Variants in GALNT18 observed in about 807,000 individuals in gnomAD.
The protein encoded by GALNT18 is polypeptide N-acetylgalactosaminyltransferase 18.
Under a neutral mutation model 69.5 loss-of-function variants are expected in GALNT18, and 44 were observed. That is an observed-to-expected ratio of 0.63 (90% CI 0.50 to 0.81). GALNT18 has a LOEUF of 0.81. Ranked by LOEUF, GALNT18 falls within the 40% of genes least tolerant of loss-of-function variation. The pLI is 0.00. For synonymous variants in GALNT18, 364 were observed against 318.2 expected, an observed-to-expected ratio of 1.14 and a Z score of -1.53; for missense variants, 715 against 810.0, an observed-to-expected ratio of 0.88 and a Z score of 1.42.
chr11:11,577,472 G>T (rs556833058), intron 1 of GALNT18, among the ~76,000 whole-genome samples: 16 of 152,310 alleles, frequency 1.1e-4, no homozygotes, highest in African/African-American at 3.4e-4. Context: ...CAGAAAGGAA[G>T]CCACTCACAC....
intron 6 of GALNT18, among the ~76,000 whole-genome samples, chr11:11,342,673 C>T (rs1222066750): frequency 6.6e-6 from 1 of 152,192 alleles, no homozygotes; most frequent in East Asian, 1.9e-4. Context: ...TTGAGCGTCT[C>T]CTATGTGCCA....
At position 11,500,883 on chromosome 11, in the gene GALNT18, C is replaced by T. The variant is rs189832517; in HGVS notation, c.236-51947G>A. 1.3e-3 allele frequency among the ~76,000 whole-genome samples: 203 copies of T among 152,274 alleles called. No individual in the cohort carries two copies. Among genetic ancestry groups the T allele is most frequent in the Middle Eastern group, 6.8e-3 (2 of 294 alleles). ...TTCCTTCCCTGTCTTTTTGCAGAGC[C>T]GTGCTGAGCGGGCAGCCAGGTGCAC... On this transcript the variant is annotated intron_variant, in intron 1 of 10. Coordinates refer to ENST00000227756, the MANE Select transcript of GALNT18 (RefSeq NM_198516.3). This position sits in a 1 kb window ranked among gnomAD's most constrained non-coding sequence, Gnocchi z 5.0.
In GALNT18 at chr11:11,461,682, T is replaced by C. The variant is rs1006281067; in HGVS notation, c.236-12746A>G. ...GTTTCCACACATCAATCTATTGGAA[T>C]GAACAAGCCGGACCAACCCTGCTAA... On this transcript the variant is annotated intron_variant, in intron 1 of 10. Transcript: ENST00000227756. The surrounding 1 kb of genome is among the most constrained non-coding windows in gnomAD (Gnocchi z 4.1). Among the ~76,000 whole-genome samples, 1 of 152,178 alleles carries C rather than the reference T, an allele frequency of 6.6e-6. No homozygotes were observed. Among genetic ancestry groups the C allele is most frequent in the African/African-American group, 2.4e-5 (1 of 41,440 alleles).
intron 10 of GALNT18, among the ~76,000 whole-genome samples, chr11:11,284,259 T>C (rs1164444877): frequency 3.3e-5 from 5 of 152,222 alleles, no homozygotes; most frequent in Non-Finnish European, 7.3e-5. Context: ...TTCCCAAGTG[T>C]GTCTGTGGTG....
In GALNT18 at chr11:11,325,793, T is replaced by C. The variant is rs1048011702; in HGVS notation, c.1512+1293A>G. The stretch of plus-strand genomic sequence containing the variant: ...ATGAGGAACGTGTTGCCATACTGGG[T>C]TGTGTGAGCACAACCTGATTTGCTG... On this transcript the variant is annotated intron_variant, in intron 9 of 10. Coordinates refer to ENST00000227756, the MANE Select transcript of GALNT18 (RefSeq NM_198516.3). 2.4e-4 allele frequency among the ~76,000 whole-genome samples: 36 copies of C among 152,120 alleles called. 1 individual carries two copies. The highest frequency in any genetic ancestry group is 8.4e-4 in the African/African-American group (35 of 41,492).
Position 11,600,552 on chromosome 11 carries a change from T to C in GALNT18, c.235+20807A>G, listed in dbSNP as rs1859607428. Reference sequence around the variant, plus strand: ...TCTCTTGTAGGTGATAAGTGGTCTTTCTGTTACTGCTTCCAAGATTTTCTC... The same window carrying C: ...TCTCTTGTAGGTGATAAGTGGTCTTCCTGTTACTGCTTCCAAGATTTTCTC... On this transcript the variant is annotated intron_variant, in intron 1 of 10. Transcript: ENST00000227756. The surrounding 1 kb of genome is among the most constrained non-coding windows in gnomAD (Gnocchi z 4.8). Among the ~76,000 whole-genome samples, 1 of 152,116 alleles carries C rather than the reference T, an allele frequency of 6.6e-6. No homozygotes were observed. Among genetic ancestry groups the C allele is most frequent in the Admixed American group, 6.5e-5 (1 of 15,272 alleles).
chr11:11,495,060 A>C (rs1202129261), intron 1 of GALNT18, among the ~76,000 whole-genome samples: 4 of 152,048 alleles, frequency 2.6e-5, no homozygotes, highest in African/African-American at 9.7e-5. Context: ...ATCCGAAATT[A>C]CATCTTAAAT....
intron 9 of GALNT18, among the ~76,000 whole-genome samples, chr11:11,316,527 A>T (rs1410460704): frequency 6.6e-6 from 1 of 152,220 alleles, no homozygotes; most frequent in Non-Finnish European, 1.5e-5. Flanking sequence ...TACTTCTTTC[A>T]TCTCAACTCT....
Position 11,621,302 on chromosome 11 carries a change from G to T in GALNT18, c.235+57C>A. On this transcript the variant is annotated intron_variant, in intron 1 of 10. Coordinates refer to ENST00000227756, the MANE Select transcript of GALNT18 (RefSeq NM_198516.3). The surrounding 1 kb of genome is among the most constrained non-coding windows in gnomAD (Gnocchi z 9.3). ...GCGCACCAGCCCCAGCGCACCCCGC[G>T]CCGCGCGGGGCACTCCCGGGCCTCA... is the stretch of plus-strand genomic sequence containing the variant. 1 of 1,470,100 alleles carries T rather than the reference G, an allele frequency of 6.8e-7. No homozygotes were observed. The highest frequency in any genetic ancestry group is 9.4e-7 in the Non-Finnish European group (1 of 1,063,668). The allele number at this position is 1,470,100 out of a possible 1,614,324, so 91.1% of individuals were successfully genotyped here.
chr11:11,463,122 TC>T lies in GALNT18; in HGVS notation c.236-14187del, dbSNP rs1216509132. On this transcript the variant is annotated intron_variant, in intron 1 of 10. Transcript: ENST00000227756. The surrounding 1 kb of genome is among the most constrained non-coding windows in gnomAD (Gnocchi z 4.2). ...AGACCCTGGAACTATTAGTACAGTC[TC>T]CCACAAGAGAACAGGGTTCCTGCTT... 6.6e-6 allele frequency among the ~76,000 whole-genome samples: 1 copy of T among 152,024 alleles called. No individual in the cohort carries two copies. Among genetic ancestry groups the T allele is most frequent in the Non-Finnish European group, 1.5e-5 (1 of 67,994 alleles).
At chr11:11,535,205 C>G (rs537109050) in intron 1 of GALNT18, among the ~76,000 whole-genome samples, 12 of 152,232 alleles carry the variant, frequency 7.9e-5, no homozygotes, top group Admixed American at 6.5e-4. Flanking sequence ...TGAGGCAGAC[C>G]CTGGCCCCCG....
intron 1 of GALNT18, among the ~76,000 whole-genome samples, chr11:11,529,638 T>TATACAC (rs10624956): frequency 0.39 from 28,201 of 72,660 alleles, 3,072 homozygotes; most frequent in Admixed American, 0.46. Context: ...TATATATATA[T>TATACAC]ACACACACAC....
At chr11:11,533,806 AG>A (rs1257739304) in intron 1 of GALNT18, among the ~76,000 whole-genome samples, 1 of 152,188 alleles carries the variant, frequency 6.6e-6, no homozygotes, top group Non-Finnish European at 1.5e-5. Flanking sequence ...TGCCATTCCG[AG>A]TAGATGCCTC....
At chr11:11,536,011 T>C (rs1857764493) in intron 1 of GALNT18, among the ~76,000 whole-genome samples, 1 of 152,142 alleles carries the variant, frequency 6.6e-6, no homozygotes, top group East Asian at 1.9e-4. Flanking sequence ...CTCCACCCAT[T>C]TCCCATCCAA....
chr11:11,573,930 TA>T lies in GALNT18; in HGVS notation c.235+47428del, dbSNP rs1858858512. ...GTCATTCATTCTATCAACATCTCAT[TA>T]TAGAAGGCAGAGTTCAGAGAAATTA... is the stretch of plus-strand genomic sequence containing the variant. On this transcript the variant is annotated intron_variant, in intron 1 of 10. Coordinates refer to ENST00000227756, the MANE Select transcript of GALNT18 (RefSeq NM_198516.3). The surrounding 1 kb of genome is among the most constrained non-coding windows in gnomAD (Gnocchi z 4.6). 6.6e-6 allele frequency: 1 copy of T among 152,128 alleles called. No homozygotes were observed. Among genetic ancestry groups the T allele is most frequent in the Non-Finnish European group, 1.5e-5 (1 of 68,040 alleles). 9.4% of individuals were successfully genotyped at this position (152,128 alleles called of 1,614,324 possible). A position where few individuals can be genotyped will look rare whatever the true frequency, so the allele number is the denominator to read the frequency against.
intron 1 of GALNT18, among the ~76,000 whole-genome samples, chr11:11,531,327 C>T (rs1254332219): frequency 6.6e-6 from 1 of 152,188 alleles, no homozygotes; most frequent in Non-Finnish European, 1.5e-5. Context: ...GTGGGAGGGG[C>T]TTGGAAGTCT....
At chr11:11,481,044 C>G (rs138243931) in intron 1 of GALNT18, among the ~76,000 whole-genome samples, 10 of 152,258 alleles carry the variant, frequency 6.6e-5, no homozygotes, top group African/African-American at 2.2e-4. Flanking sequence ...CACCGACTTT[C>G]CAATCTAATG....
chr11:11,478,453 C>T (rs1359342932), intron 1 of GALNT18, among the ~76,000 whole-genome samples: 1 of 152,122 alleles, frequency 6.6e-6, no homozygotes, highest in East Asian at 1.9e-4. Context: ...GGGTTCAGCC[C>T]AGGAGCAGGA....
intron 3 of GALNT18, among the ~76,000 whole-genome samples, chr11:11,384,123 G>A (rs527823599): frequency 1.3e-5 from 2 of 152,124 alleles, no homozygotes; most frequent in East Asian, 3.9e-4. Context: ...GATTATAACT[G>A]TAAACAAGAC....
Sources: allele counts gnomAD v4.1 joint callset (sites outside exome capture counted in the v4.1 genomes callset), GRCh38; gene constraint gnomAD v4.1.1; non-coding constraint Gnocchi (gnomAD v3.1); transcripts MANE v1.5; gene names NCBI Gene and HGNC (gene_info 2026-07-23, HGNC 2026-07-21).